Variants in CD101 observed in about 807,000 individuals in gnomAD.
CD101 encodes the protein CD101 molecule, also known as immunoglobulin superfamily member 2.
In CD101, 76 loss-of-function variants were observed where a neutral mutation model predicts 98.2. The observed-to-expected ratio is 0.77, with a 90% CI of 0.64 to 0.94. The LOEUF (loss-of-function observed/expected upper bound fraction) is 0.94, where lower values mean the gene tolerates loss of function less well. CD101 is among the 40% of genes least tolerant of loss of function. The probability of loss-of-function intolerance (pLI) is 0.00; values close to 1 mark genes in which losing one functional copy is unlikely to be tolerated. For synonymous variants in CD101, 471 were observed against 472.7 expected (o/e 1.00, Z 0.05); for missense variants, 1,145 against 1,218.8 (o/e 0.94, Z 0.90).
chr1:117,011,518 C>T, intron 2 of CD101, 32 bp from the exon 3 acceptor site: 4 of 1,586,094 alleles, frequency 2.5e-6, no homozygotes, highest in Non-Finnish European at 3.4e-6. Context: ...AGCACTGGGC[C>T]AGTCACATTA....
intron 1 of CD101, among the ~76,000 whole-genome samples, chr1:117,008,625 A>G (rs545299229): frequency 1.3e-5 from 2 of 152,068 alleles, no homozygotes; most frequent in East Asian, 3.9e-4. Context: ...CCTTTTTTGT[A>G]GTTCCCTCCT....
In CD101 at chr1:117,019,775, C is replaced by A. The variant is rs528369302; in HGVS notation, c.2017+1215C>A. 7.2e-5 allele frequency among the ~76,000 whole-genome samples: 11 copies of A among 152,274 alleles called. No homozygotes were observed. The South Asian group carries it at 2.1e-3, about 29-fold the overall frequency. On this transcript the variant is annotated intron_variant, in intron 6 of 9. Coordinates refer to ENST00000682167, the MANE Select transcript of CD101 (RefSeq NM_001256106.3). This position sits in a 1 kb window ranked among gnomAD's most constrained non-coding sequence, Gnocchi z 4.3. Reference sequence around the variant, plus strand: ...CTCATTATGTCAAAACATAAACCCACCATTATCATCCAAAGCTCTTTCTTC... The same window carrying A: ...CTCATTATGTCAAAACATAAACCCAACATTATCATCCAAAGCTCTTTCTTC...
In CD101 at chr1:117,029,283, G is replaced by A. The variant is rs576333570; in HGVS notation, c.2824+3379G>A. 7.1e-5 allele frequency among the ~76,000 whole-genome samples: 10 copies of A among 139,940 alleles called. 1 individual carries two copies. Among genetic ancestry groups the A allele is most frequent in the East Asian group, 4.2e-4 (2 of 4,768 alleles). 91.8% of individuals were successfully genotyped at this position (139,940 alleles called of 152,430 possible). On this transcript the variant is annotated intron_variant, in intron 8 of 9. Transcript: ENST00000682167. ...AAAGAAAGAAAGAAAGAGTAGATACGGTTGACAGTCCAACATCTGAAAGAA... is the reference window on the plus strand; with the variant it reads ...AAAGAAAGAAAGAAAGAGTAGATACAGTTGACAGTCCAACATCTGAAAGAA...
intron 4 of CD101, among the ~76,000 whole-genome samples, chr1:117,015,367 C>G (rs1653139200): frequency 6.6e-6 from 1 of 151,876 alleles, no homozygotes; most frequent in South Asian, 2.1e-4. Flanking sequence ...AAAAAAAAAT[C>G]ATTAGTTTAA....
At position 117,012,581 on chromosome 1, in the gene CD101, A is replaced by T. The variant is rs1652953342; in HGVS notation, c.841+615A>T. ...CTTTTTTATTATTTTTTTAATTTTT[A>T]AATTTTTTTAAGGACAGGATCTTGC... is the stretch of plus-strand genomic sequence containing the variant. On this transcript the variant is annotated intron_variant, in intron 3 of 9. Coordinates refer to ENST00000682167, the MANE Select transcript of CD101 (RefSeq NM_001256106.3). This position sits in a 1 kb window ranked among gnomAD's most constrained non-coding sequence, Gnocchi z 4.0. 6.6e-6 allele frequency among the ~76,000 whole-genome samples: 1 copy of T among 152,062 alleles called. No homozygotes were observed. The highest frequency in any genetic ancestry group is 2.4e-5 in the African/African-American group (1 of 41,398).
chr1:117,003,778 C>T (rs983416312), intron 1 of CD101, among the ~76,000 whole-genome samples: 13 of 152,296 alleles, frequency 8.5e-5, no homozygotes, highest in Non-Finnish European at 1.5e-4. Context: ...TTTACTTCTT[C>T]TAAATTCTGA....
At position 117,012,543 on chromosome 1, in the gene CD101, T is replaced by A. The variant is rs1344923211; in HGVS notation, c.841+577T>A. On this transcript the variant is annotated intron_variant, in intron 3 of 9. Transcript: ENST00000682167. The surrounding 1 kb of genome is among the most constrained non-coding windows in gnomAD (Gnocchi z 4.0). ...ACCTGCCCCCTTTCCCAACTTGGAA[T>A]GCAGTGACTTTGCTTTTTTATTATT... is the stretch of plus-strand genomic sequence containing the variant. Among the ~76,000 whole-genome samples, 1 of 152,228 alleles carries A rather than the reference T, an allele frequency of 6.6e-6. No homozygotes were observed.
At position 117,009,988 on chromosome 1, in the gene CD101, A is replaced by G. The variant is rs749924164; in HGVS notation, c.182A>G (p.Tyr61Cys). 2 of 1,614,140 alleles carry G rather than the reference A, an allele frequency of 1.2e-6. No individual in the cohort carries two copies. Among genetic ancestry groups the G allele is most frequent in the South Asian group, 1.1e-5 (1 of 91,082 alleles). Residue 61 changes from tyrosine (Y) to cysteine (C), a missense_variant, in exon 2 of 10, where the codon TAC (tyrosine) becomes TGC (cysteine). Tyr to Cys is a radical substitution (Grantham distance 194). Transcript: ENST00000682167. ...PSEQHFQWSV[Y>C]LPTNPTQEVQ... Reference sequence around the variant, plus strand: ...GAGCAGCATTTCCAGTGGTCTGTTTACCTGCCGACAAACCCGACCCAGGAA... The same window carrying G: ...GAGCAGCATTTCCAGTGGTCTGTTTGCCTGCCGACAAACCCGACCCAGGAA...
chr1:117,021,479 G>A lies in CD101; in HGVS notation c.2018-94G>A, dbSNP rs80188586. ...AGAGGGAGTTCACCCATATGATGGC[G>A]GGAGGATGCAGTGTCATACTTGACC... On this transcript the variant is annotated intron_variant, in intron 6 of 9. Transcript: ENST00000682167. This position sits in a 1 kb window ranked among gnomAD's most constrained non-coding sequence, Gnocchi z 4.7. 2.3e-4 allele frequency: 238 copies of A among 1,017,908 alleles called. 2 individuals carry two copies. In the African/African-American group the frequency reaches 3.3e-3, roughly 14 times the overall value. The allele number at this position is 1,017,908 out of a possible 1,614,324, so 63.1% of individuals were successfully genotyped here.
At position 117,012,544 on chromosome 1, in the gene CD101, G is replaced by T. The variant is rs1385602134; in HGVS notation, c.841+578G>T. 1.3e-5 allele frequency among the ~76,000 whole-genome samples: 2 copies of T among 152,190 alleles called. No homozygotes were observed. The highest frequency in any genetic ancestry group is 2.9e-5 in the Non-Finnish European group (2 of 68,040). ...CCTGCCCCCTTTCCCAACTTGGAATGCAGTGACTTTGCTTTTTTATTATTT... is the reference window on the plus strand; with the variant it reads ...CCTGCCCCCTTTCCCAACTTGGAATTCAGTGACTTTGCTTTTTTATTATTT... On this transcript the variant is annotated intron_variant, in intron 3 of 9. Transcript: ENST00000682167. The surrounding 1 kb of genome is among the most constrained non-coding windows in gnomAD (Gnocchi z 4.0).
Position 117,019,211 on chromosome 1 carries a change from T to G in CD101, c.2017+651T>G, listed in dbSNP as rs1653426298. On this transcript the variant is annotated intron_variant, in intron 6 of 9. Coordinates refer to ENST00000682167, the MANE Select transcript of CD101 (RefSeq NM_001256106.3). The surrounding 1 kb of genome is among the most constrained non-coding windows in gnomAD (Gnocchi z 4.3). ...CGTTGGAGTCATTTAGATCTGACAG[T>G]CACTGGATAGCAGAACAGCTTTGGA... Among the ~76,000 whole-genome samples, 1 of 152,232 alleles carries G rather than the reference T, an allele frequency of 6.6e-6. No homozygotes were observed. The highest frequency in any genetic ancestry group is 2.4e-5 in the African/African-American group (1 of 41,458).
chr1:117,035,262 C>T (rs371245778), intron 9 of CD101, among the ~76,000 whole-genome samples: 1 of 152,168 alleles, frequency 6.6e-6, no homozygotes, highest in Non-Finnish European at 1.5e-5. Context: ...ATGTGACCAA[C>T]CGAGTTGCTT....
intron 8 of CD101, chr1:117,032,407 T>A (rs1198691212): frequency 1.3e-5 from 2 of 152,222 alleles, no homozygotes; most frequent in Non-Finnish European, 2.9e-5. Flanking sequence ...GAGCTCACAG[T>A]GCAGGAGGTG....
chr1:117,025,423 C>A, intron 7 of CD101, 86 bp from the exon 8 acceptor site: 2 of 1,146,090 alleles, frequency 1.7e-6, no homozygotes, highest in Non-Finnish European at 1.2e-6. Flanking sequence ...AATATAAGAT[C>A]TTCCCAGTGA....
rs779887161 is a variant in CD101 at position 117,034,089 on chromosome 1, T to C, written c.3054T>C (p.Asp1018=). ...TTNRREDEEE[D]EGN ...ATAGGAGGGAAGACGAGGAGGAAGA[T>C]GAAGGCAACTGAATCCCAAGAGGCA... The change falls in exon 9 of 10, where the codon GAT becomes GAC. Residue 1018 remains aspartate (D), a synonymous_variant. Coordinates refer to ENST00000682167, the MANE Select transcript of CD101 (RefSeq NM_001256106.3). 159 of 1,613,924 alleles carry C rather than the reference T, an allele frequency of 9.9e-5. No individual in the cohort carries two copies. Among genetic ancestry groups the C allele is most frequent in the Non-Finnish European group, 1.7e-6 (2 of 1,180,006 alleles).
chr1:117,021,863 G>A lies in CD101; in HGVS notation c.2308G>A (p.Asp770Asn). ...LFQLHILNVE[D>N]SDRGKYHCAV... is the part of the protein sequence containing the mutation. ...TCAGCTGCACATTCTGAATGTGGAA[G>A]ACAGCGATCGGGGCAAATATCACTG... The change falls in exon 7 of 10, where the codon GAC becomes AAC. Residue 770 changes from aspartate to asparagine, a missense_variant. Coordinates refer to ENST00000682167, the MANE Select transcript of CD101 (RefSeq NM_001256106.3). This position sits in a 1 kb window ranked among gnomAD's most constrained non-coding sequence, Gnocchi z 4.7. 2 of 1,614,200 alleles carry A rather than the reference G, an allele frequency of 1.2e-6. No individual in the cohort carries two copies. The highest frequency in any genetic ancestry group is 1.6e-4 in the Middle Eastern group (1 of 6,062).
intron 1 of CD101, among the ~76,000 whole-genome samples, chr1:117,003,279 A>G (rs1411914829): frequency 6.6e-6 from 1 of 152,244 alleles, no homozygotes; most frequent in African/African-American, 2.4e-5. Context: ...GAAGAATTAA[A>G]AGAAAAGAAT....
chr1:117,035,623 C>T (rs1654766590), intron 9 of CD101, among the ~76,000 whole-genome samples: 2 of 150,792 alleles, frequency 1.3e-5, no homozygotes, highest in Admixed American at 6.6e-5. Flanking sequence ...GACCTGGGCT[C>T]ACTGCAAGCT....
chr1:117,024,400 C>A (rs1023650205), intron 7 of CD101, among the ~76,000 whole-genome samples: 1 of 152,160 alleles, frequency 6.6e-6, no homozygotes, highest in Non-Finnish European at 1.5e-5. Context: ...TCGCTTGAAC[C>A]CGGGAGGCAG....
Sources: allele counts gnomAD v4.1 joint callset (sites outside exome capture counted in the v4.1 genomes callset), GRCh38; gene constraint gnomAD v4.1.1; non-coding constraint Gnocchi (gnomAD v3.1); transcripts MANE v1.5; gene names NCBI Gene and HGNC (gene_info 2026-07-23, HGNC 2026-07-21).